Variants in BNC2 observed in about 807,000 individuals in gnomAD.
BNC2 encodes the protein zinc finger protein basonuclin-2.
A neutral mutation model predicts 76.3 loss-of-function variants in BNC2; 20 were observed. The ratio of observed to expected loss-of-function variants is 0.26; its 90% CI spans 0.18 to 0.38. The LOEUF is 0.38. Ranked by LOEUF, BNC2 falls within the 10% of genes least tolerant of loss-of-function variation. The pLI is 1.00. For synonymous variants in BNC2, 582 were observed against 514.8 expected, an observed-to-expected ratio of 1.13 and a Z score of -1.77; for missense variants, 1,382 against 1,399.8, an observed-to-expected ratio of 0.99 and a Z score of 0.20.
At chr9:16,723,688 A>G (rs2134913091) in intron 3 of BNC2, among the ~76,000 whole-genome samples, 1 of 152,160 alleles carries the variant, frequency 6.6e-6, no homozygotes, top group South Asian at 2.1e-4. Flanking sequence ...AAGGTGCTAG[A>G]TTTTTATATT....
intron 1 of BNC2, among the ~76,000 whole-genome samples, chr9:16,804,463 A>G (rs1252032882): frequency 6.6e-6 from 1 of 152,208 alleles, no homozygotes; most frequent in Non-Finnish European, 1.5e-5. Context: ...ATGCATGCAT[A>G]TACATGCAGA....
At chr9:16,757,712 T>C (rs1825425729) in intron 1 of BNC2, among the ~76,000 whole-genome samples, 1 of 47,270 alleles carries the variant, frequency 2.1e-5, no homozygotes, top group Admixed American at 3.2e-4. Context: ...AAGCAACCCT[T>C]GATTTTAAAA....
At chr9:16,665,753 C>A (rs1336483420) in intron 3 of BNC2, among the ~76,000 whole-genome samples, 2 of 152,154 alleles carry the variant, frequency 1.3e-5, no homozygotes, top group Non-Finnish European at 2.9e-5. Context: ...GATCTAGGCA[C>A]TCTGGAGTTA....
chr9:16,423,561 G>A (rs1820749015), intron 6 of BNC2, among the ~76,000 whole-genome samples: 1 of 152,152 alleles, frequency 6.6e-6, no homozygotes. Context: ...TTGCACAGAG[G>A]AGGTACTTAA....
intron 1 of BNC2, among the ~76,000 whole-genome samples, chr9:16,759,163 C>T (rs13294647): frequency 0.45 from 69,152 of 152,116 alleles, 21,139 homozygotes; most frequent in Non-Finnish European, 0.68. Context: ...TGGCTATAAT[C>T]TCACACTTCT....
intron 3 of BNC2, among the ~76,000 whole-genome samples, chr9:16,701,177 A>T (rs1480323775): frequency 6.6e-6 from 1 of 152,188 alleles, no homozygotes; most frequent in African/African-American, 2.4e-5. Context: ...TTTCATCTAG[A>T]ACAACTCTGA....
intron 3 of BNC2, among the ~76,000 whole-genome samples, chr9:16,594,356 C>G (rs1390163004): frequency 6.6e-6 from 1 of 152,088 alleles, no homozygotes; most frequent in Non-Finnish European, 1.5e-5. Flanking sequence ...CTTTCCCTTC[C>G]CAGATGCAAT....
chr9:16,451,789 T>C (rs1388908711), intron 5 of BNC2, among the ~76,000 whole-genome samples: 1 of 152,228 alleles, frequency 6.6e-6, no homozygotes, highest in South Asian at 2.1e-4. Context: ...GATCTGCTTA[T>C]ATTTCTCTGT....
intron 5 of BNC2, among the ~76,000 whole-genome samples, chr9:16,545,419 GCCA>G: frequency 6.6e-6 from 1 of 152,178 alleles, no homozygotes. Flanking sequence ...TCACATCAAA[GCCA>G]TGAGTACTAT....
At chr9:16,543,006 T>C (rs559736405) in intron 5 of BNC2, among the ~76,000 whole-genome samples, 4 of 152,238 alleles carry the variant, frequency 2.6e-5, no homozygotes, top group African/African-American at 9.6e-5. Flanking sequence ...TTCATTCCTG[T>C]ACAAGTCCCC....
intron 1 of BNC2, among the ~76,000 whole-genome samples, chr9:16,838,901 A>G (rs1025937496): frequency 6.6e-5 from 10 of 152,368 alleles, no homozygotes; most frequent in African/African-American, 2.4e-4. Flanking sequence ...CTTGAGAAAG[A>G]TACAAAGAAA....
chr9:16,515,347 C>A (rs1480394521), intron 5 of BNC2, among the ~76,000 whole-genome samples: 1 of 152,172 alleles, frequency 6.6e-6, no homozygotes, highest in African/African-American at 2.4e-5. Context: ...CTCCAGTCAT[C>A]CCCTTGGCTA....
At chr9:16,718,786 T>C (rs1057356210) in intron 3 of BNC2, among the ~76,000 whole-genome samples, 3 of 152,192 alleles carry the variant, frequency 2.0e-5, no homozygotes, top group African/African-American at 7.2e-5. Flanking sequence ...ACCCACAGGC[T>C]CACTGCCTCT....
chr9:16,858,467 C>G (rs1819316799), intron 1 of BNC2, among the ~76,000 whole-genome samples: 1 of 152,168 alleles, frequency 6.6e-6, no homozygotes, highest in Non-Finnish European at 1.5e-5. Context: ...CTTTACTCTT[C>G]TGAGGATCAG....
chr9:16,849,801 A>C lies in BNC2; in HGVS notation c.3+20845T>G, dbSNP rs959377333. 3.9e-5 allele frequency among the ~76,000 whole-genome samples: 6 copies of C among 152,176 alleles called. 1 individual carries two copies. Among genetic ancestry groups the C allele is most frequent in the Non-Finnish European group, 8.8e-5 (6 of 68,036 alleles). ...CAACATAAAAAAACTGATTAGTATT[A>C]CCTCAAACCATAACTTGCTGAAATT... On this transcript the variant is annotated intron_variant, in intron 1 of 6. Transcript: ENST00000380672.
chr9:16,679,348 ACT>A (rs1822754835), intron 3 of BNC2, among the ~76,000 whole-genome samples: 1 of 152,182 alleles, frequency 6.6e-6, no homozygotes, highest in African/African-American at 2.4e-5. Context: ...ACAAACTGTA[ACT>A]CTGTGAAATG....
intron 3 of BNC2, among the ~76,000 whole-genome samples, chr9:16,715,208 A>G (rs1436541764): frequency 1.3e-5 from 2 of 152,214 alleles, no homozygotes; most frequent in Non-Finnish European, 2.9e-5. Flanking sequence ...ATCTTTTATT[A>G]TTTTAAAATC....
intron 4 of BNC2, among the ~76,000 whole-genome samples, chr9:16,570,189 C>T (rs1330506903): frequency 2.6e-5 from 4 of 152,058 alleles, no homozygotes; most frequent in East Asian, 1.9e-4. Context: ...AAAATATATG[C>T]TTTAAACTAT....
chr9:16,550,506 C>A (rs1359883100), intron 5 of BNC2, among the ~76,000 whole-genome samples: 2 of 152,296 alleles, frequency 1.3e-5, no homozygotes, highest in East Asian at 3.9e-4. Context: ...CAGGCACTGG[C>A]CAAGGCAGAA....
Sources: gnomAD v4.1 joint callset for allele counts (sites outside exome capture counted in the v4.1 genomes callset) on GRCh38, gnomAD v4.1.1 for gene constraint, MANE v1.5 for transcripts, NCBI Gene and HGNC (gene_info 2026-07-23, HGNC 2026-07-21) for gene names.